The following SIAH3 variants were observed in gnomAD, a reference collection of about 807,000 sequenced individuals.
The protein encoded by SIAH3 is seven in absentia homolog 3.
A neutral mutation model predicts 12.6 loss-of-function variants in SIAH3; 9 were observed. The observed-to-expected ratio is 0.72, with a 90% confidence interval of 0.43 to 1.25. The LOEUF (loss-of-function observed/expected upper bound fraction) is 1.25. Among genes scored for constraint, SIAH3 ranks in the 50% most tolerant of loss-of-function variants. The pLI, the probability that SIAH3 is intolerant of heterozygous loss-of-function variation, is 0.00. For synonymous variants in SIAH3, 154 were observed against 151.1 expected (o/e 1.02, Z -0.14); for missense variants, 390 against 365.4 (o/e 1.07, Z -0.55).
intron 1 of SIAH3, among the ~76,000 whole-genome samples, chr13:45,844,719 A>G (rs1416429382): frequency 6.6e-6 from 1 of 152,212 alleles, no homozygotes; most frequent in African/African-American, 2.4e-5. Flanking sequence ...GAGGAAGCCG[A>G]ATATCATTCA....
chr13:45,790,742 C>T (rs557161576), intron 1 of SIAH3, among the ~76,000 whole-genome samples: 1 of 152,314 alleles, frequency 6.6e-6, no homozygotes, highest in African/African-American at 2.4e-5. Context: ...TTCAGGTGTG[C>T]CAGCCACTGT....
At chr13:45,839,434 A>G (rs1179591042) in intron 1 of SIAH3, among the ~76,000 whole-genome samples, 1 of 152,228 alleles carries the variant, frequency 6.6e-6, no homozygotes, top group African/African-American at 2.4e-5. Context: ...CATTTCTTAA[A>G]AAAACATGGT....
chr13:45,850,919 CCA>C (rs34118981), intron 1 of SIAH3, among the ~76,000 whole-genome samples: 12,067 of 128,020 alleles, frequency 0.094, 592 homozygotes, highest in Middle Eastern at 0.14. Flanking sequence ...CCTCCCGACA[CCA>C]CACACACACA....
At chr13:45,826,972 G>A (rs183609420) in intron 1 of SIAH3, among the ~76,000 whole-genome samples, 33 of 152,256 alleles carry the variant, frequency 2.2e-4, no homozygotes, top group Non-Finnish European at 4.0e-4. Context: ...TTAGTCTCTC[G>A]AGTAAACCAC....
At chr13:45,838,930 T>G (rs1950729128) in intron 1 of SIAH3, among the ~76,000 whole-genome samples, 1 of 151,998 alleles carries the variant, frequency 6.6e-6, no homozygotes, top group Non-Finnish European at 1.5e-5. Flanking sequence ...CCTCCTTCAC[T>G]CGGTTCTTCT....
intron 1 of SIAH3, among the ~76,000 whole-genome samples, chr13:45,790,793 A>G (rs576634223): frequency 3.0e-4 from 46 of 152,356 alleles, no homozygotes; most frequent in Non-Finnish European, 5.7e-4. Context: ...GCCGTAAGAC[A>G]GGAATGCTGC....
rs917792935 is a variant in SIAH3 at position 45,778,380 on chromosome 13, A to C, written c.*5003T>G. 2.0e-5 allele frequency: 3 copies of C among 152,170 alleles called. 1 individual carries two copies. Among genetic ancestry groups the C allele is most frequent in the Non-Finnish European group, 4.4e-5 (3 of 68,036 alleles). The allele number at this position is 152,170 out of a possible 1,614,324, so 9.4% of individuals were successfully genotyped here. ...GATAGCCAATAGGCTGAGTTTGCGG[A>C]GCCCAATTTTTCCATGAAAGCCACC... On this transcript the variant is annotated 3_prime_UTR_variant, in exon 2 of 2. Coordinates refer to ENST00000400405, the MANE Select transcript of SIAH3 (RefSeq NM_198849.3).
chr13:45,838,933 GT>G (rs1446675654), intron 1 of SIAH3, among the ~76,000 whole-genome samples: 1 of 152,026 alleles, frequency 6.6e-6, no homozygotes, highest in African/African-American at 2.4e-5. Flanking sequence ...CCTTCACTCG[GT>G]TCTTCTCACA....
At chr13:45,804,541 T>C (rs1270455530) in intron 1 of SIAH3, among the ~76,000 whole-genome samples, 3 of 152,104 alleles carry the variant, frequency 2.0e-5, no homozygotes, top group Admixed American at 6.6e-5. Context: ...AATTGAATTA[T>C]ACACTTTAAA....
intron 1 of SIAH3, among the ~76,000 whole-genome samples, chr13:45,817,327 A>C (rs578044149): frequency 6.6e-6 from 1 of 152,246 alleles, no homozygotes; most frequent in Non-Finnish European, 1.5e-5. Flanking sequence ...GGAATAGGCT[A>C]TGCCATATAG....
chr13:45,793,432 C>T (rs1950552736), intron 1 of SIAH3, among the ~76,000 whole-genome samples: 1 of 152,176 alleles, frequency 6.6e-6, no homozygotes, highest in South Asian at 2.1e-4. Context: ...TTCAGGGGTT[C>T]CTTATTCTAA....
At chr13:45,826,672 T>C (rs1950678860) in intron 1 of SIAH3, among the ~76,000 whole-genome samples, 2 of 152,156 alleles carry the variant, frequency 1.3e-5, no homozygotes, top group South Asian at 4.1e-4. Flanking sequence ...ATGTTAAACA[T>C]ATTTCTTCAA....
At chr13:45,809,473 C>G (rs940005707) in intron 1 of SIAH3, among the ~76,000 whole-genome samples, 1 of 152,184 alleles carries the variant, frequency 6.6e-6, no homozygotes, top group African/African-American at 2.4e-5. Flanking sequence ...TGCTTTGCTA[C>G]CATAAGGAAA....
rs527992193 is a variant in SIAH3, at chr13:45,822,721, C to T, written c.135+28774G>A. Among the ~76,000 whole-genome samples, 130 of 151,732 alleles carry T rather than the reference C, an allele frequency of 8.6e-4. 1 individual carries two copies. The highest frequency in any genetic ancestry group is 2.9e-3 in the African/African-American group (121 of 41,298). On this transcript the variant is annotated intron_variant, in intron 1 of 1. Transcript: ENST00000400405. ...CTTGTAAAGGACTTGAAATCCTCAG[C>T]CTGGATGACAAATGTTTGCTGTTTG...
At chr13:45,805,002 AC>A (rs1566090269) in intron 1 of SIAH3, among the ~76,000 whole-genome samples, 164 of 149,370 alleles carry the variant, frequency 1.1e-3, no homozygotes, top group African/African-American at 3.8e-3. Flanking sequence ...ACACACACAC[AC>A]ACACACAAAA....
intron 1 of SIAH3, among the ~76,000 whole-genome samples, chr13:45,818,736 G>T (rs1229750954): frequency 6.6e-6 from 1 of 151,978 alleles, no homozygotes; most frequent in Non-Finnish European, 1.5e-5. Flanking sequence ...TGGCATTTAG[G>T]GCCCACCCAG....
intron 1 of SIAH3, among the ~76,000 whole-genome samples, chr13:45,786,387 A>G (rs1167910879): frequency 1.3e-5 from 2 of 152,208 alleles, no homozygotes; most frequent in Non-Finnish European, 2.9e-5. Context: ...AAATGAAGAA[A>G]CAGAGACACA....
intron 1 of SIAH3, among the ~76,000 whole-genome samples, chr13:45,811,872 C>A (rs1219030558): frequency 2.0e-5 from 3 of 152,122 alleles, no homozygotes; most frequent in Non-Finnish European, 4.4e-5. Context: ...AAAGAGTCTA[C>A]CAAAGGGAAG....
intron 1 of SIAH3, among the ~76,000 whole-genome samples, chr13:45,803,183 C>T (rs749733374): frequency 6.6e-6 from 1 of 152,144 alleles, no homozygotes; most frequent in Non-Finnish European, 1.5e-5. Context: ...ATAGCTCTGT[C>T]TTAGGTCACA....
Sources: gnomAD v4.1 joint callset for allele counts (sites outside exome capture counted in the v4.1 genomes callset) on GRCh38, gnomAD v4.1.1 for gene constraint, MANE v1.5 for transcripts, NCBI Gene and HGNC (gene_info 2026-07-23, HGNC 2026-07-21) for gene names.